Variants in DMD observed in about 807,000 individuals in gnomAD.
DMD encodes the protein dystrophin.
Under a neutral mutation model 330.1 loss-of-function variants are expected in DMD, and 63 were observed. The observed-to-expected ratio is 0.19, with a 90% CI of 0.16 to 0.24. The LOEUF is 0.24. Among genes scored for constraint, DMD ranks in the 10% least tolerant of loss-of-function variants. The pLI, the probability that DMD is intolerant of heterozygous loss-of-function variation, is 1.00. For missense variants in DMD, 3,344 were observed against 2,684.1 expected (o/e 1.25, Z -5.43); for synonymous variants, 1,223 against 959.8 (o/e 1.27, Z -5.07).
chrX:31,226,747 T>C (rs1188549559), intron 63 of DMD, among the ~76,000 whole-genome samples: 1 of 111,929 alleles, frequency 8.9e-6, no homozygotes, highest in Admixed American at 9.5e-5. Flanking sequence ...GCAACATCCT[T>C]CACCAGTACC....
intron 2 of DMD, among the ~76,000 whole-genome samples, chrX:32,860,560 T>TA (rs2081999129): frequency 9.3e-6 from 1 of 107,809 alleles, no homozygotes; most frequent in South Asian, 3.9e-4. Flanking sequence ...TTCATGTAAA[T>TA]AGGAAGCTTT....
chrX:31,860,310 G>A (rs1258076695), intron 48 of DMD, among the ~76,000 whole-genome samples: 1 of 112,473 alleles, frequency 8.9e-6, no homozygotes, highest in African/African-American at 3.2e-5. Context: ...GCAAGAGAAT[G>A]ATCTAGGAGA....
rs747314534 is a variant in DMD, at chrX:31,803,722, G to A, written c.7309+16253C>T. Reference sequence around the variant, plus strand: ...TCTCTTTCTTTTTATTTTTTGAGACGGAGTTTCACTCTTGTTGCCCAGGCT... The same window carrying A: ...TCTCTTTCTTTTTATTTTTTGAGACAGAGTTTCACTCTTGTTGCCCAGGCT... On this transcript the variant is annotated intron_variant, in intron 50 of 78. Transcript: ENST00000357033. Among the ~76,000 whole-genome samples, 62 of 99,562 alleles carry A rather than the reference G, an allele frequency of 6.2e-4. 1 individual carries two copies. Among genetic ancestry groups the A allele is most frequent in the African/African-American group, 1.9e-3 (51 of 26,910 alleles). 86.5% of individuals were successfully genotyped at this position (99,562 alleles called of 115,157 possible).
At chrX:31,833,258 A>G (rs2093095668) in intron 49 of DMD, among the ~76,000 whole-genome samples, 1 of 94,408 alleles carries the variant, frequency 1.1e-5, no homozygotes, top group East Asian at 3.9e-4. Flanking sequence ...ATGTGTGTAG[A>G]TGGGGGAGGA....
intron 75 of DMD, 102 bp from the exon 76 acceptor site, chrX:31,146,516 T>C: frequency 1.1e-6 from 1 of 897,783 alleles, no homozygotes; most frequent in East Asian, 3.4e-5. Context: ...ATTTTGACCC[T>C]TCCTACTTTA....
chrX:31,572,795 T>C (rs28538715), intron 55 of DMD, among the ~76,000 whole-genome samples: 124 of 112,522 alleles, frequency 1.1e-3, no homozygotes, highest in African/African-American at 3.9e-3. Flanking sequence ...CTGCAGTAGC[T>C]GGTGCTTCAC....
chrX:31,493,442 G>A lies in DMD; in HGVS notation c.8547+3346C>T, dbSNP rs1444065289. On this transcript the variant is annotated intron_variant, in intron 57 of 78. Coordinates refer to ENST00000357033, the MANE Select transcript of DMD (RefSeq NM_004006.3). ...CGAGCCAAGATGTAAAGGATTATTA[G>A]ATGATAACCAGGATATTATGAGTGG... Among the ~76,000 whole-genome samples the A allele has an allele frequency of 4.0e-4, 45 of 112,564 alleles. 1 individual carries two copies. The highest frequency in any genetic ancestry group is 1.9e-5 in the Non-Finnish European group (1 of 53,325).
At chrX:32,931,902 A>G (rs975856194) in intron 2 of DMD, among the ~76,000 whole-genome samples, 4 of 112,043 alleles carry the variant, frequency 3.6e-5, no homozygotes, top group African/African-American at 6.5e-5. Context: ...AAATGGGTTC[A>G]GTGGTAGCTA....
At chrX:32,479,193 CAT>C (rs1306848287) in intron 21 of DMD, among the ~76,000 whole-genome samples, 1 of 111,316 alleles carries the variant, frequency 9.0e-6, no homozygotes, top group Non-Finnish European at 1.9e-5. Flanking sequence ...TATGGGGTAT[CAT>C]GTGATGTTTT....
chrX:32,369,371 A>C (rs1349388302), intron 34 of DMD, among the ~76,000 whole-genome samples: 1 of 111,641 alleles, frequency 9.0e-6, no homozygotes, highest in African/African-American at 3.3e-5. Context: ...CATTCCCCAT[A>C]TCTACAAGTA....
chrX:33,188,366 C>T (rs1316854853), intron 1 of DMD, among the ~76,000 whole-genome samples: 1 of 110,600 alleles, frequency 9.0e-6, no homozygotes, highest in Non-Finnish European at 1.9e-5. Flanking sequence ...TTGCTCTTTT[C>T]GGACACCTTT....
At chrX:31,163,427 T>TC (rs1342248655) in intron 74 of DMD, among the ~76,000 whole-genome samples, 1 of 111,712 alleles carries the variant, frequency 9.0e-6, no homozygotes, top group East Asian at 2.8e-4. Context: ...CCATTAAACC[T>TC]CTTTTTCTTT....
chrX:33,333,815 T>A (rs753171058), intron 1 of DMD, among the ~76,000 whole-genome samples: 1 of 111,513 alleles, frequency 9.0e-6, no homozygotes, highest in South Asian at 3.7e-4. Context: ...CTAAAACCCT[T>A]AACTGTTCTT....
intron 44 of DMD, among the ~76,000 whole-genome samples, chrX:32,106,831 G>A (rs756836687): frequency 9.0e-6 from 1 of 111,655 alleles, no homozygotes; most frequent in South Asian, 3.7e-4. Flanking sequence ...CAACTGGCAG[G>A]TACAATTACC....
intron 1 of DMD, among the ~76,000 whole-genome samples, chrX:33,210,755 C>T (rs2148862256): frequency 9.0e-6 from 1 of 111,559 alleles, no homozygotes; most frequent in East Asian, 2.8e-4. Context: ...CTTTTCACAT[C>T]CTTCAATTAT....
intron 7 of DMD, among the ~76,000 whole-genome samples, chrX:32,795,253 T>G (rs1028894794): frequency 2.5e-4 from 28 of 111,668 alleles, no homozygotes; most frequent in Non-Finnish European, 2.6e-4. Flanking sequence ...AACAGCAAGG[T>G]GTTAGAATAA....
chrX:33,056,266 T>C, intron 1 of DMD, among the ~76,000 whole-genome samples: 1 of 110,590 alleles, frequency 9.0e-6, no homozygotes, highest in Admixed American at 9.7e-5. Flanking sequence ...CAATACCTCT[T>C]CCTCTTTTCT....
intron 29 of DMD, among the ~76,000 whole-genome samples, chrX:32,429,175 C>G (rs1027965770): frequency 4.8e-5 from 5 of 103,845 alleles, no homozygotes; most frequent in African/African-American, 1.7e-4. Flanking sequence ...TCTAGGACTA[C>G]AGATGTATTT....
intron 60 of DMD, among the ~76,000 whole-genome samples, chrX:31,438,738 C>T (rs1442888071): frequency 9.1e-6 from 1 of 109,739 alleles, no homozygotes; most frequent in Non-Finnish European, 1.9e-5. Flanking sequence ...AGAAGTGACC[C>T]CATAATGCAA....
Sources: gnomAD v4.1 joint callset for allele counts (sites outside exome capture counted in the v4.1 genomes callset) on GRCh38, gnomAD v4.1.1 for gene constraint, MANE v1.5 for transcripts, NCBI Gene and HGNC (gene_info 2026-07-23, HGNC 2026-07-21) for gene names.